PCNX4: variants seen among roughly 807,000 people sequenced by gnomAD.
PCNX4 encodes the protein pecanex 4, also known as pecanex-like protein 4.
A neutral mutation model predicts 107.2 loss-of-function variants in PCNX4; 103 were observed. The ratio of observed to expected loss-of-function variants is 0.96; its 90% CI spans 0.82 to 1.13. PCNX4 has a LOEUF of 1.13. PCNX4 is among the 50% of genes most tolerant of loss of function. PCNX4 has a pLI of 0.00. For synonymous variants in PCNX4, 541 were observed against 481.7 expected (o/e 1.12, Z -1.61); for missense variants, 1,528 against 1,379.4 (o/e 1.11, Z -1.71).
In PCNX4 at chr14:60,108,190, A is replaced by G. The variant is rs746774436; in HGVS notation, c.552A>G (p.Leu184=). The G allele has an allele frequency of 6.2e-6, 10 of 1,612,838 alleles. No homozygotes were observed. The highest frequency in any genetic ancestry group is 4.4e-5 in the South Asian group (4 of 91,082). Residue 184 remains leucine, a synonymous_variant, in exon 2 of 11, where the codon CTA becomes CTG. Coordinates refer to ENST00000406854, the MANE Select transcript of PCNX4 (RefSeq NM_001330177.2). The part of the protein sequence containing the change: ...ALLFFFGWMT[L]CIAEYSLIVN... ...TATTCTTCTTTGGATGGATGACACT[A>G]TGTATAGCAGAATATTCTTTAATTG...
Position 60,132,845 on chromosome 14 carries a change from A to T in PCNX4, c.3268-1125A>T, listed in dbSNP as rs1896179984. 2.0e-5 allele frequency among the ~76,000 whole-genome samples: 3 copies of T among 152,310 alleles called. No individual in the cohort carries two copies. In the South Asian group the frequency reaches 6.2e-4, roughly 32 times the overall value. Reference sequence around the variant, plus strand: ...TACAAGTTGCCAATAAGTACATGAGAAGTGCTCCGTATAATTAGTCATCAG... The same window carrying T: ...TACAAGTTGCCAATAAGTACATGAGTAGTGCTCCGTATAATTAGTCATCAG... On this transcript the variant is annotated intron_variant, in intron 10 of 10. Transcript: ENST00000406854.
chr14:60,107,760 A>G lies in PCNX4; in HGVS notation c.122A>G (p.Tyr41Cys). The change falls in exon 2 of 11, where the codon TAT becomes TGT. Residue 41 changes from tyrosine to cysteine, a missense_variant. Transcript: ENST00000406854. ...GGCTATTGTGCCCCTCCTTACATAT[A>G]TGTTAATCAAATTATTCTTTTTCTA... is the stretch of plus-strand genomic sequence containing the variant. Reference protein sequence around the residue: ...KLGYCAPPYIYVNQIILFLMP... With the variant: ...KLGYCAPPYICVNQIILFLMP... 6.2e-7 allele frequency: 1 copy of G among 1,612,626 alleles called. No individual in the cohort carries two copies.
intron 7 of PCNX4, 58 bp downstream of exon 7, chr14:60,118,750 AT>A: frequency 6.8e-7 from 1 of 1,469,588 alleles, no homozygotes; most frequent in Non-Finnish European, 9.0e-7. Context: ...GTACAAAAAA[AT>A]AACAAACAGG....
Position 60,135,381 on chromosome 14 carries a change from C to A in PCNX4, c.*1160C>A, listed in dbSNP as rs1481286541. 1 of 151,914 alleles carries A rather than the reference C, an allele frequency of 6.6e-6. No homozygotes were observed. The highest frequency in any genetic ancestry group is 1.5e-5 in the Non-Finnish European group (1 of 67,996). The allele number at this position is 151,914 out of a possible 1,614,324, so 9.4% of individuals were successfully genotyped here. ...GAATTCAAGAGATTTGTATGTTATTCTTTTTTTGGAGGTAATATAGTACAG... is the reference window on the plus strand; with the variant it reads ...GAATTCAAGAGATTTGTATGTTATTATTTTTTTGGAGGTAATATAGTACAG... On this transcript the variant is annotated 3_prime_UTR_variant, in exon 11 of 11. Transcript: ENST00000406854.
chr14:60,130,547 T>G (rs908276457), intron 10 of PCNX4, among the ~76,000 whole-genome samples: 46 of 152,128 alleles, frequency 3.0e-4, no homozygotes, highest in Non-Finnish European at 4.9e-4. Context: ...ACCACTTCTA[T>G]TAAACATTGT....
rs2140577667 is a variant in PCNX4 at position 60,141,337 on chromosome 14, CA to C, written c.*7122del. On this transcript the variant is annotated 3_prime_UTR_variant, in exon 11 of 11. Transcript: ENST00000406854. Reference sequence around the variant, plus strand: ...AACTGCAAATAGAAAAATACATAAACAAAAAACTGGTTCTTCAAAAAACAAT... The same window carrying C: ...AACTGCAAATAGAAAAATACATAAACAAAAACTGGTTCTTCAAAAAACAAT... 1.3e-5 allele frequency: 2 copies of C among 151,764 alleles called. No individual in the cohort carries two copies. The highest frequency in any genetic ancestry group is 4.8e-5 in the African/African-American group (2 of 41,284). 9.4% of individuals were successfully genotyped at this position (151,764 alleles called of 1,614,324 possible).
Position 60,107,856 on chromosome 14 carries a change from CAG to C in PCNX4, c.219_220del (p.Ala74ThrfsTer41). Reference sequence around the variant, plus strand: ...GGCATCCTGAAAGACTATTATACAGCAGCACTTTCAGGTGGATTAATGCTTTT... The same window carrying C: ...GGCATCCTGAAAGACTATTATACAGCCACTTTCAGGTGGATTAATGCTTTT... On this transcript the variant is annotated frameshift_variant, in exon 2 of 11. Coordinates refer to ENST00000406854, the MANE Select transcript of PCNX4 (RefSeq NM_001330177.2). LOFTEE classifies it high-confidence loss of function. The C allele has an allele frequency of 6.2e-7, 1 of 1,612,696 alleles. No homozygotes were observed. The highest frequency in any genetic ancestry group is 1.1e-5 in the South Asian group (1 of 91,082).
rs1036213073 is a variant in PCNX4 at position 60,096,321 on chromosome 14, A to C, written c.-54+3902A>C. Among the ~76,000 whole-genome samples the C allele has an allele frequency of 5.3e-5, 8 of 152,298 alleles. No individual in the cohort carries two copies. The South Asian group carries it at 8.3e-4, about 16-fold the overall frequency. On this transcript the variant is annotated intron_variant, in intron 1 of 10. Transcript: ENST00000406854. ...CCTCATAAGCATGACTTCCTTGTTT[A>C]GCAAGGAAATACTCATGCAGCTATC...
At chr14:60,114,599 T>TC in intron 2 of PCNX4, 101 bp from the exon 3 acceptor site, 1 of 977,936 alleles carries the variant, frequency 1.0e-6, no homozygotes, top group Admixed American at 2.7e-5. Flanking sequence ...TGGTTTTTTT[T>TC]TGGAAGGGAG....
intron 1 of PCNX4, among the ~76,000 whole-genome samples, chr14:60,093,419 G>A (rs1895350597): frequency 6.6e-6 from 1 of 151,864 alleles, no homozygotes. Context: ...CCATAAATTT[G>A]CTTATTTTGG....
At chr14:60,109,396 T>C (rs1297658990) in intron 2 of PCNX4, 1 of 167,198 alleles carries the variant, frequency 6.0e-6, no homozygotes, top group Non-Finnish European at 1.5e-5. Flanking sequence ...GCTTTGTAAC[T>C]GTTGGTAATG....
chr14:60,118,788 G>C, intron 7 of PCNX4, 96 bp downstream of exon 7: 1 of 1,339,298 alleles, frequency 7.5e-7, no homozygotes, highest in Non-Finnish European at 9.8e-7. Flanking sequence ...CCAACCATAA[G>C]ATAGCATAAC....
chr14:60,094,724 T>C, intron 1 of PCNX4, among the ~76,000 whole-genome samples: 2 of 146,764 alleles, frequency 1.4e-5, no homozygotes, highest in African/African-American at 2.6e-5. Context: ...ACCCCCCACC[T>C]CTGCAGGTTT....
intron 7 of PCNX4, among the ~76,000 whole-genome samples, chr14:60,119,911 T>C (rs746655367): frequency 3.3e-5 from 5 of 152,134 alleles, no homozygotes; most frequent in Non-Finnish European, 7.4e-5. Context: ...TGGAAGGAAA[T>C]GTAAATTTGT....
intron 1 of PCNX4, among the ~76,000 whole-genome samples, chr14:60,097,543 G>A (rs1435912490): frequency 6.6e-6 from 1 of 152,224 alleles, no homozygotes; most frequent in Non-Finnish European, 1.5e-5. Flanking sequence ...ACTAACAAAA[G>A]ATAATATGTG....
chr14:60,126,747 T>C (rs1178958102), intron 10 of PCNX4, among the ~76,000 whole-genome samples: 2 of 152,198 alleles, frequency 1.3e-5, no homozygotes, highest in African/African-American at 4.8e-5. Context: ...AGGCATGTGA[T>C]GTCCAAGTAA....
At chr14:60,125,301 G>GT in intron 9 of PCNX4, 50 bp downstream of exon 9, 2 of 1,407,144 alleles carry the variant, frequency 1.4e-6, no homozygotes, top group Non-Finnish European at 1.9e-6. Context: ...GAAAAATACT[G>GT]ATTTTTCTAA....
intron 1 of PCNX4, among the ~76,000 whole-genome samples, chr14:60,101,837 A>G (rs949793790): frequency 6.6e-6 from 1 of 152,372 alleles, no homozygotes; most frequent in Non-Finnish European, 1.5e-5. Flanking sequence ...TTAAATGTCC[A>G]TCAACAGATA....
At chr14:60,130,297 T>C (rs1268997289) in intron 10 of PCNX4, among the ~76,000 whole-genome samples, 1 of 148,866 alleles carries the variant, frequency 6.7e-6, no homozygotes, top group Admixed American at 6.7e-5. Context: ...ATATATAATA[T>C]TTTATTAATA....
Sources: allele counts gnomAD v4.1 joint callset (sites outside exome capture counted in the v4.1 genomes callset), GRCh38; gene constraint gnomAD v4.1.1; transcripts MANE v1.5; gene names NCBI Gene and HGNC (gene_info 2026-07-23, HGNC 2026-07-21).